CHST15: variants seen among roughly 807,000 people sequenced by gnomAD.
CHST15 encodes B cell RAG associated protein (GALNAC4S-6ST).
In CHST15, 30 loss-of-function variants were observed where a neutral mutation model predicts 53.6. The ratio of observed to expected loss-of-function variants is 0.56; its 90% CI spans 0.42 to 0.76. The LOEUF (loss-of-function observed/expected upper bound fraction) is 0.76. CHST15 is among the 30% of genes least tolerant of loss of function. The pLI is 0.00. For missense variants in CHST15, 627 were observed against 740.5 expected, an observed-to-expected ratio of 0.85 and a Z score of 1.78; for synonymous variants, 296 against 289.8, an observed-to-expected ratio of 1.02 and a Z score of -0.22.
At chr10:124,041,057 G>C (rs1363629312) in intron 4 of CHST15, among the ~76,000 whole-genome samples, 1 of 152,132 alleles carries the variant, frequency 6.6e-6, no homozygotes, top group East Asian at 1.9e-4. Flanking sequence ...GGACTCCCAA[G>C]TTTGCAAAAA....
intron 6 of CHST15, chr10:124,020,835 C>T (rs957737595): frequency 8.2e-7 from 1 of 1,212,340 alleles, no homozygotes; most frequent in Non-Finnish European, 1.0e-6. Context: ...TCAATTGAGA[C>T]TCTGTCAAAG....
At chr10:124,042,203 A>C (rs1399918003) in intron 4 of CHST15, 98 bp downstream of exon 4, 7 of 1,283,824 alleles carry the variant, frequency 5.5e-6, no homozygotes, top group African/African-American at 1.5e-5. Context: ...CCACCATGTA[A>C]ATGTTCTGGA....
At chr10:124,083,854 C>T (rs1949330276) in intron 1 of CHST15, among the ~76,000 whole-genome samples, 1 of 152,204 alleles carries the variant, frequency 6.6e-6, no homozygotes, top group Non-Finnish European at 1.5e-5. Flanking sequence ...TTATTAAAAA[C>T]TGTGACGGAT....
At chr10:124,050,763 G>A (rs1000269131) in intron 1 of CHST15, among the ~76,000 whole-genome samples, 8 of 152,164 alleles carry the variant, frequency 5.3e-5, no homozygotes, top group Non-Finnish European at 7.4e-5. Context: ...CAAAGGCCCC[G>A]TAGAGAGACG....
In CHST15 at chr10:124,049,057, T is replaced by C. The variant is rs186378692; in HGVS notation, c.-512-2333A>G. On this transcript the variant is annotated intron_variant, in intron 1 of 7. Transcript: ENST00000435907. ...AAAGACCTGAGGAGGCAATTCGAGA[T>C]GCTGCAAGAGCCTTAGCAAAACACT... Among the ~76,000 whole-genome samples, 33 of 152,328 alleles carry C rather than the reference T, an allele frequency of 2.2e-4. 1 individual carries two copies. Among genetic ancestry groups the C allele is most frequent in the African/African-American group, 6.3e-4 (26 of 41,582 alleles).
At chr10:124,065,209 C>A (rs984401631) in intron 1 of CHST15, among the ~76,000 whole-genome samples, 5 of 152,030 alleles carry the variant, frequency 3.3e-5, no homozygotes, top group Non-Finnish European at 5.9e-5. Flanking sequence ...CAAGGCAAAA[C>A]CCCATCTCTA....
At chr10:124,045,121 A>AAAAAAAC (rs1947925959) in intron 2 of CHST15, among the ~76,000 whole-genome samples, 2 of 87,462 alleles carry the variant, frequency 2.3e-5, no homozygotes, top group Non-Finnish European at 3.9e-5. Flanking sequence ...ACAAAAAAAA[A>AAAAAAAC]AAAAAAAAAA....
chr10:124,042,224 A>G, intron 4 of CHST15, 77 bp downstream of exon 4: 2 of 1,468,092 alleles, frequency 1.4e-6, no homozygotes, highest in African/African-American at 1.4e-5. Context: ...GGTGAAGCAG[A>G]GCTGGGCTAG....
intron 7 of CHST15, among the ~76,000 whole-genome samples, chr10:124,012,103 A>T (rs1946433172): frequency 6.6e-6 from 1 of 152,160 alleles, no homozygotes; most frequent in Non-Finnish European, 1.5e-5. Flanking sequence ...CCAGAAGGGA[A>T]ACCATCTCCT....
At chr10:124,020,977 T>C in intron 6 of CHST15, 1 of 1,406,674 alleles carries the variant, frequency 7.1e-7, no homozygotes, top group Non-Finnish European at 9.2e-7. Context: ...GGTGTCTTGC[T>C]AAATGGTAAT....
At chr10:124,049,056 A>C (rs778491216) in intron 1 of CHST15, among the ~76,000 whole-genome samples, 2 of 152,198 alleles carry the variant, frequency 1.3e-5, no homozygotes, top group Non-Finnish European at 2.9e-5. Flanking sequence ...GCAATTCGAG[A>C]TGCTGCAAGA....
chr10:124,083,482 G>A (rs188273200), intron 1 of CHST15, among the ~76,000 whole-genome samples: 196 of 152,284 alleles, frequency 1.3e-3, no homozygotes, highest in African/African-American at 4.5e-3. Flanking sequence ...GTCGATAGGT[G>A]AGCAAATGAT....
chr10:124,088,215 C>T (rs565705020), intron 1 of CHST15, among the ~76,000 whole-genome samples: 75 of 152,354 alleles, frequency 4.9e-4, no homozygotes, highest in South Asian at 1.4e-3. Context: ...TCCCGGAACA[C>T]TCCAATCTCA....
At chr10:124,071,729 A>G (rs1039733115) in intron 1 of CHST15, among the ~76,000 whole-genome samples, 1 of 152,220 alleles carries the variant, frequency 6.6e-6, no homozygotes, top group Non-Finnish European at 1.5e-5. Flanking sequence ...TCTAGATTTC[A>G]TAAGACTTAG....
chr10:124,047,213 C>T (rs1260141373), intron 1 of CHST15, among the ~76,000 whole-genome samples: 1 of 152,168 alleles, frequency 6.6e-6, no homozygotes. Flanking sequence ...TTTTTTCCCT[C>T]TCACTGGCAT....
In CHST15 at chr10:124,010,224, C is replaced by T; in HGVS notation, c.1611G>A (p.Arg537=). 6.2e-7 allele frequency: 1 copy of T among 1,614,138 alleles called. No individual in the cohort carries two copies. The highest frequency in any genetic ancestry group is 8.5e-7 in the Non-Finnish European group (1 of 1,180,046). Residue 537 remains arginine (R), a synonymous_variant, in exon 8 of 8, where the codon CGG becomes CGA. Coordinates refer to ENST00000435907, the MANE Select transcript of CHST15 (RefSeq NM_001270764.2). ...PMWPITQKIL[R]DFYRPFNARL... is the part of the protein sequence containing the mutation. ...TAGCGTTGAAGGGCCTGTAGAAATC[C>T]CGCAGAATCTTCTGTGTGATGGGCC...
chr10:124,023,250 C>T (rs999889592), intron 5 of CHST15, among the ~76,000 whole-genome samples: 8 of 151,902 alleles, frequency 5.3e-5, no homozygotes, highest in Admixed American at 2.0e-4. Flanking sequence ...TTTAGGAGGC[C>T]GAGGTGGGAG....
At position 124,074,074 on chromosome 10, in the gene CHST15, A is replaced by T. The variant is rs1275380021; in HGVS notation, c.-513+19395T>A. On this transcript the variant is annotated intron_variant, in intron 1 of 7. Transcript: ENST00000435907. The surrounding 1 kb of genome is among the most constrained non-coding windows in gnomAD (Gnocchi z 4.4). ...GAGATATTTTCCACATAGTCTTTTTAGCCTCTTTCCATAGAAGACTTTCTC... is the reference window on the plus strand; with the variant it reads ...GAGATATTTTCCACATAGTCTTTTTTGCCTCTTTCCATAGAAGACTTTCTC... 4.6e-5 allele frequency among the ~76,000 whole-genome samples: 7 copies of T among 152,230 alleles called. No homozygotes were observed. Among genetic ancestry groups the T allele is most frequent in the African/African-American group, 1.7e-4 (7 of 41,460 alleles).
Position 124,011,929 on chromosome 10 carries a change from GC to G in CHST15, c.1495+403del, listed in dbSNP as rs147078628. On this transcript the variant is annotated intron_variant, in intron 7 of 7. Coordinates refer to ENST00000435907, the MANE Select transcript of CHST15 (RefSeq NM_001270764.2). ...TGGTCCTACAAAGCTCAGCTCTCAG[GC>G]CCTTTCCTTCCATGAAGCCTTCCTC... The G allele has an allele frequency of 1.0e-3, 884 of 871,864 alleles. 32 individuals carry two copies. The East Asian group carries it at 0.084, about 83-fold the overall frequency. The allele number at this position is 871,864 out of a possible 1,614,324, so 54.0% of individuals were successfully genotyped here. A position where few individuals can be genotyped will look rare whatever the true frequency, so the allele number is the denominator to read the frequency against.
Sources: gnomAD v4.1 joint callset for allele counts (sites outside exome capture counted in the v4.1 genomes callset) on GRCh38, gnomAD v4.1.1 for gene constraint, Gnocchi (gnomAD v3.1) non-coding constraint, MANE v1.5 for transcripts, NCBI Gene and HGNC (gene_info 2026-07-23, HGNC 2026-07-21) for gene names.